NRXN1: variants seen among roughly 807,000 people sequenced by gnomAD.
The protein encoded by NRXN1 is neurexin 1, also known as neurexin-1.
NRXN1 carries 39 observed loss-of-function variants against 150.9 expected under a neutral mutation model. That is an observed-to-expected ratio of 0.26 (90% CI 0.20 to 0.34). The LOEUF is 0.34. NRXN1 is among the 10% of genes least tolerant of loss of function. The pLI, the probability that NRXN1 is intolerant of heterozygous loss-of-function variation, is 1.00. For synonymous variants in NRXN1, 924 were observed against 757.0 expected (o/e 1.22, Z -3.62); for missense variants, 1,815 against 1,949.9 (o/e 0.93, Z 1.30).
At chr2:50,030,996 G>A (rs906451843) in intron 21 of NRXN1, among the ~76,000 whole-genome samples, 2 of 151,928 alleles carry the variant, frequency 1.3e-5, no homozygotes, top group East Asian at 3.9e-4. Context: ...TGGGGAGAGA[G>A]GGGGACAAAA....
At chr2:50,809,182 G>C (rs1440751823) in intron 5 of NRXN1, among the ~76,000 whole-genome samples, 1 of 152,068 alleles carries the variant, frequency 6.6e-6, no homozygotes. Context: ...GAAGTTGTTA[G>C]AATGAGCTAG....
At chr2:50,828,255 G>A (rs1447249704) in intron 5 of NRXN1, among the ~76,000 whole-genome samples, 1 of 149,638 alleles carries the variant, frequency 6.7e-6, no homozygotes, top group Admixed American at 6.6e-5. Context: ...GGACGGGGCG[G>A]CTGGCCGGGC....
chr2:50,202,162 C>T (rs183866302), intron 18 of NRXN1, among the ~76,000 whole-genome samples: 124 of 152,082 alleles, frequency 8.2e-4, no homozygotes, highest in African/African-American at 2.8e-3. Context: ...CTACAGCAAA[C>T]GAAAGGAGGA....
chr2:50,940,838 G>A (rs1472889989), intron 2 of NRXN1, among the ~76,000 whole-genome samples: 2 of 151,894 alleles, frequency 1.3e-5, no homozygotes, highest in African/African-American at 2.4e-5. Context: ...TCCCCAAAAG[G>A]GCATCTGAAA....
intron 12 of NRXN1, among the ~76,000 whole-genome samples, chr2:50,518,571 G>C (rs1573367284): frequency 6.6e-6 from 1 of 151,852 alleles, no homozygotes; most frequent in Non-Finnish European, 1.5e-5. Flanking sequence ...AAAAGCATAT[G>C]GGTCCTGAGC....
chr2:50,119,057 C>T (rs1208758761), intron 18 of NRXN1, among the ~76,000 whole-genome samples: 1 of 150,634 alleles, frequency 6.6e-6, no homozygotes, highest in Non-Finnish European at 1.5e-5. Context: ...AGAACAGATT[C>T]CTCACGTCTC....
intron 21 of NRXN1, among the ~76,000 whole-genome samples, chr2:49,961,350 C>T (rs528640926): frequency 1.3e-5 from 2 of 148,994 alleles, no homozygotes; most frequent in African/African-American, 2.5e-5. Context: ...ACACACACAT[C>T]AATCTCTCAA....
chr2:50,745,568 C>A (rs1445911736), intron 5 of NRXN1, among the ~76,000 whole-genome samples: 2 of 152,048 alleles, frequency 1.3e-5, no homozygotes, highest in Non-Finnish European at 2.9e-5. Flanking sequence ...CATTCCCATG[C>A]TGCTGATAAA....
In NRXN1 at chr2:50,167,565, AC is replaced by A. The variant is rs200894049; in HGVS notation, c.3546+69223del. 4.0e-3 allele frequency among the ~76,000 whole-genome samples: 612 copies of A among 151,636 alleles called. 4 individuals are homozygous for A. Among genetic ancestry groups the A allele is most frequent in the African/African-American group, 0.012 (491 of 41,420 alleles). On this transcript the variant is annotated intron_variant, in intron 18 of 22. Coordinates refer to ENST00000401669, the MANE Select transcript of NRXN1 (RefSeq NM_001330078.2). ...AAGGAGAAACTGTTAAAAAAAAAAAACAACCTGATTATCAATTGTTCCCCAA... is the reference window on the plus strand; with the variant it reads ...AAGGAGAAACTGTTAAAAAAAAAAAAAACCTGATTATCAATTGTTCCCCAA...
chr2:50,574,941 A>G (rs1428263238), intron 8 of NRXN1, among the ~76,000 whole-genome samples: 2 of 152,198 alleles, frequency 1.3e-5, no homozygotes, highest in Admixed American at 1.3e-4. Context: ...ACACCACACA[A>G]CGTCCCCCAG....
chr2:50,128,650 G>A (rs544302426), intron 18 of NRXN1, among the ~76,000 whole-genome samples: 9 of 152,082 alleles, frequency 5.9e-5, no homozygotes, highest in Admixed American at 1.3e-4. Flanking sequence ...AATATAAATT[G>A]TTTAAATATA....
At chr2:50,081,997 T>C (rs1254133390) in intron 19 of NRXN1, among the ~76,000 whole-genome samples, 1 of 152,176 alleles carries the variant, frequency 6.6e-6, no homozygotes, top group Non-Finnish European at 1.5e-5. Context: ...AATATTAAAA[T>C]CAACCAAATA....
intron 18 of NRXN1, among the ~76,000 whole-genome samples, chr2:50,166,977 A>T (rs954137812): frequency 7.9e-5 from 12 of 152,186 alleles, no homozygotes; most frequent in African/African-American, 2.7e-4. Context: ...AATTTGGCCA[A>T]AAACTTCCAT....
chr2:50,096,805 T>C (rs1287192343), intron 18 of NRXN1, among the ~76,000 whole-genome samples: 1 of 152,232 alleles, frequency 6.6e-6, no homozygotes, highest in East Asian at 1.9e-4. Context: ...TCATGAAATA[T>C]GACACTGGGA....
chr2:50,478,492 A>AT (rs1243847962), intron 15 of NRXN1, among the ~76,000 whole-genome samples: 5 of 151,644 alleles, frequency 3.3e-5, no homozygotes, highest in Non-Finnish European at 1.5e-5. Context: ...ATAAATCTCC[A>AT]TTTTTTAAAA....
chr2:50,635,202 G>A (rs1683048236), intron 5 of NRXN1, among the ~76,000 whole-genome samples: 1 of 151,480 alleles, frequency 6.6e-6, no homozygotes, highest in Non-Finnish European at 1.5e-5. Flanking sequence ...CTGTCACCCA[G>A]GCTGGAGTGC....
intron 5 of NRXN1, among the ~76,000 whole-genome samples, chr2:50,667,327 A>T (rs1009985686): frequency 3.9e-5 from 6 of 151,950 alleles, no homozygotes; most frequent in Non-Finnish European, 4.4e-5. Context: ...TCTTCTATTA[A>T]CATTTAGTAA....
intron 17 of NRXN1, among the ~76,000 whole-genome samples, chr2:50,280,054 G>A (rs1443135885): frequency 6.6e-6 from 1 of 151,964 alleles, no homozygotes; most frequent in Non-Finnish European, 1.5e-5. Flanking sequence ...CGAGGCGGGT[G>A]GATCACGAGG....
At chr2:50,486,097 T>G (rs2090853862) in intron 15 of NRXN1, among the ~76,000 whole-genome samples, 1 of 152,170 alleles carries the variant, frequency 6.6e-6, no homozygotes, top group Non-Finnish European at 1.5e-5. Context: ...GTACAAAACC[T>G]TAACACAATA....
Sources: gnomAD v4.1 joint callset for allele counts (sites outside exome capture counted in the v4.1 genomes callset) on GRCh38, gnomAD v4.1.1 for gene constraint, MANE v1.5 for transcripts, NCBI Gene and HGNC (gene_info 2026-07-23, HGNC 2026-07-21) for gene names.